The following RELN variants were observed in gnomAD, a reference collection of about 807,000 sequenced individuals.
RELN encodes the protein reelin.
In RELN, 108 loss-of-function variants were observed where a neutral mutation model predicts 427.6. The ratio of observed to expected loss-of-function variants is 0.25; its 90% CI spans 0.22 to 0.30. RELN has a LOEUF of 0.30. Among genes scored for constraint, RELN ranks in the 10% least tolerant of loss-of-function variants. The pLI is 1.00. For missense variants in RELN, 3,715 were observed against 4,302.8 expected (o/e 0.86, Z 3.82); for synonymous variants, 1,524 against 1,513.4 (o/e 1.01, Z -0.16).
intron 10 of RELN, 103 bp downstream of exon 10, chr7:103,697,749 GT>G: frequency 1.3e-6 from 2 of 1,526,930 alleles, no homozygotes; most frequent in Middle Eastern, 1.8e-4. Context: ...TTTAATAGTG[GT>G]TTTGGTAAAA....
chr7:103,678,363 TTA>T (rs1415844410), intron 11 of RELN, among the ~76,000 whole-genome samples: 1 of 152,136 alleles, frequency 6.6e-6, no homozygotes, highest in African/African-American at 2.4e-5. Context: ...CTCACATAAA[TTA>T]TCAGTGTATC....
intron 11 of RELN, among the ~76,000 whole-genome samples, chr7:103,681,276 T>A (rs1375214662): frequency 6.6e-6 from 1 of 152,168 alleles, no homozygotes; most frequent in Non-Finnish European, 1.5e-5. Flanking sequence ...GTTTAATCAG[T>A]TTTGATTTAA....
intron 2 of RELN, among the ~76,000 whole-genome samples, chr7:103,855,276 C>T (rs1361108071): frequency 6.6e-6 from 1 of 152,154 alleles, no homozygotes; most frequent in Non-Finnish European, 1.5e-5. Flanking sequence ...CAGTGGTGTG[C>T]ACAGGCAGCA....
chr7:103,577,062 T>A (rs1831020103), intron 28 of RELN, among the ~76,000 whole-genome samples: 1 of 152,236 alleles, frequency 6.6e-6, no homozygotes, highest in African/African-American at 2.4e-5. Context: ...TATTGGTGTA[T>A]CCACATTCCA....
At chr7:103,487,580 C>G (rs1828488726) in intron 60 of RELN, among the ~76,000 whole-genome samples, 1 of 151,828 alleles carries the variant, frequency 6.6e-6, no homozygotes, top group African/African-American at 2.4e-5. Context: ...TCAATGTTTA[C>G]TAAAACACGT....
chr7:103,693,662 T>C (rs1164590459), intron 10 of RELN, among the ~76,000 whole-genome samples: 1 of 152,110 alleles, frequency 6.6e-6, no homozygotes, highest in East Asian at 1.9e-4. Flanking sequence ...TTTTGGCTTG[T>C]ATCCTCTAGG....
chr7:103,552,117 C>T (rs143833768), intron 40 of RELN, among the ~76,000 whole-genome samples: 2,008 of 152,294 alleles, frequency 0.013, 35 homozygotes, highest in Middle Eastern at 0.058. Context: ...CTTCTCCTCC[C>T]CACCCTGGTA....
intron 20 of RELN, 37 bp downstream of exon 20, chr7:103,629,903 G>A (rs6977502): frequency 8.1e-7 from 1 of 1,240,066 alleles, no homozygotes; most frequent in Non-Finnish European, 1.2e-6. Context: ...CTAATTCCTA[G>A]TGCAAATTGT....
intron 4 of RELN, among the ~76,000 whole-genome samples, chr7:103,776,183 T>C (rs1166846450): frequency 6.6e-6 from 1 of 152,168 alleles, no homozygotes; most frequent in Non-Finnish European, 1.5e-5. Context: ...TATAATATGA[T>C]CAAATGTTAA....
chr7:103,510,780 C>A, intron 51 of RELN, 71 bp downstream of exon 51: 1 of 1,263,694 alleles, frequency 7.9e-7, no homozygotes, highest in Non-Finnish European at 1.1e-6. Flanking sequence ...ATTAGATCAT[C>A]TTTTCTCTGA....
intron 2 of RELN, among the ~76,000 whole-genome samples, chr7:103,873,405 A>G (rs913317725): frequency 2.3e-5 from 3 of 132,134 alleles, no homozygotes; most frequent in Non-Finnish European, 3.3e-5. Context: ...CAAAAAATCA[A>G]TGAATCCAGG....
chr7:103,739,894 G>A (rs975557055), intron 6 of RELN, among the ~76,000 whole-genome samples: 1 of 152,168 alleles, frequency 6.6e-6, no homozygotes, highest in African/African-American at 2.4e-5. Flanking sequence ...GCCCAGGACT[G>A]GGAACAGCAG....
At chr7:103,891,826 C>A (rs920705453) in intron 2 of RELN, among the ~76,000 whole-genome samples, 2 of 152,176 alleles carry the variant, frequency 1.3e-5, no homozygotes, top group African/African-American at 4.8e-5. Context: ...ATTCCTAATA[C>A]CCTCAAGCCT....
chr7:103,859,379 C>T (rs1438261344), intron 2 of RELN, among the ~76,000 whole-genome samples: 1 of 152,082 alleles, frequency 6.6e-6, no homozygotes, highest in Non-Finnish European at 1.5e-5. Context: ...GTGAAACCTC[C>T]ACCTCCCAGG....
At chr7:103,884,647 G>T (rs1794682961) in intron 2 of RELN, among the ~76,000 whole-genome samples, 1 of 152,142 alleles carries the variant, frequency 6.6e-6, no homozygotes, top group South Asian at 2.1e-4. Context: ...CTTCTCAAAA[G>T]AAGACATTTA....
chr7:103,790,763 A>C (rs1792142232), intron 3 of RELN, among the ~76,000 whole-genome samples: 1 of 152,106 alleles, frequency 6.6e-6, no homozygotes, highest in Non-Finnish European at 1.5e-5. Context: ...GGAGTTTGAG[A>C]CCAGTCTGGC....
chr7:103,936,512 G>T (rs755478029), intron 1 of RELN, among the ~76,000 whole-genome samples: 3 of 151,970 alleles, frequency 2.0e-5, no homozygotes, highest in Admixed American at 6.6e-5. Context: ...ATACCCCCAG[G>T]TTAAACCTCT....
chr7:103,603,409 C>G lies in RELN; in HGVS notation c.3228G>C (p.Gln1076His), dbSNP rs930729213. The G allele has an allele frequency of 6.2e-7, 1 of 1,613,902 alleles. No individual in the cohort carries two copies. The highest frequency in any genetic ancestry group is 8.5e-7 in the Non-Finnish European group (1 of 1,179,852). The change falls in exon 24 of 65, where the codon CAG (glutamine) becomes CAC (histidine). Residue 1076 changes from glutamine (Q) to histidine (H), a missense_variant. By Grantham distance (24) the Gln-to-His change is conservative. Coordinates refer to ENST00000428762, the MANE Select transcript of RELN (RefSeq NM_005045.4). The surrounding 1 kb of genome is among the most constrained non-coding windows in gnomAD (Gnocchi z 4.3). ...PSTIMSDFEN[Q>H]NGWESDWQEV... ...CTTGCCAGTCAGACTCCCAGCCATTCTGGTTCTCAAAATCTGACATAATTG... is the reference window on the plus strand; with the variant it reads ...CTTGCCAGTCAGACTCCCAGCCATTGTGGTTCTCAAAATCTGACATAATTG...
chr7:103,810,786 C>A (rs1291694138), intron 3 of RELN, among the ~76,000 whole-genome samples: 1 of 152,216 alleles, frequency 6.6e-6, no homozygotes, highest in African/African-American at 2.4e-5. Flanking sequence ...AAAAATTCTC[C>A]TGACACTGGA....
Sources: allele counts gnomAD v4.1 joint callset (sites outside exome capture counted in the v4.1 genomes callset), GRCh38; gene constraint gnomAD v4.1.1; non-coding constraint Gnocchi (gnomAD v3.1); transcripts MANE v1.5; gene names NCBI Gene and HGNC (gene_info 2026-07-23, HGNC 2026-07-21).